Variants in DSCAML1 observed in about 807,000 individuals in gnomAD.
DSCAML1 encodes DS cell adhesion molecule like 1, also known as cell adhesion molecule DSCAML1.
In DSCAML1, 38 loss-of-function variants were observed where a neutral mutation model predicts 200.5. The observed-to-expected ratio is 0.19, with a 90% CI of 0.15 to 0.25. The LOEUF is 0.25. Among genes scored for constraint, DSCAML1 ranks in the 10% least tolerant of loss-of-function variants. DSCAML1 has a pLI of 1.00. For missense variants in DSCAML1, 2,223 were observed against 2,858.8 expected (o/e 0.78, Z 5.07); for synonymous variants, 1,215 against 1,165.0 (o/e 1.04, Z -0.87).
chr11:117,545,278 A>C (rs2050351818), intron 3 of DSCAML1, among the ~76,000 whole-genome samples: 1 of 151,868 alleles, frequency 6.6e-6, no homozygotes, highest in Non-Finnish European at 1.5e-5. Context: ...AAGGATGTGC[A>C]CACACAGAGA....
chr11:117,599,901 G>A (rs2051433820), intron 3 of DSCAML1, among the ~76,000 whole-genome samples: 1 of 152,188 alleles, frequency 6.6e-6, no homozygotes, highest in African/African-American at 2.4e-5. Flanking sequence ...CTGGGTAAAC[G>A]GTGCATTCCC....
chr11:117,703,613 C>T (rs1390580255), intron 3 of DSCAML1, among the ~76,000 whole-genome samples: 1 of 152,210 alleles, frequency 6.6e-6, no homozygotes, highest in East Asian at 1.9e-4. Context: ...CACTCCCGAC[C>T]ATCCCCAGCA....
At chr11:117,775,172 C>T (rs2055108436) in intron 3 of DSCAML1, among the ~76,000 whole-genome samples, 2 of 152,194 alleles carry the variant, frequency 1.3e-5, no homozygotes, top group African/African-American at 4.8e-5. Flanking sequence ...TCCTCACCAG[C>T]CCATGGTCCC....
At chr11:117,438,675 A>T (rs2047974514) in intron 24 of DSCAML1, among the ~76,000 whole-genome samples, 1 of 152,142 alleles carries the variant, frequency 6.6e-6, no homozygotes, top group African/African-American at 2.4e-5. Flanking sequence ...CACAGCTCAC[A>T]AGTGGCATTG....
intron 3 of DSCAML1, among the ~76,000 whole-genome samples, chr11:117,643,110 C>T (rs1022871168): frequency 1.1e-4 from 16 of 152,240 alleles, no homozygotes; most frequent in Admixed American, 9.2e-4. Context: ...CTCCTTGTTT[C>T]CATGTAGTTC....
chr11:117,564,268 A>G (rs752796), intron 3 of DSCAML1, among the ~76,000 whole-genome samples: 41,223 of 152,118 alleles, frequency 0.27, 5,951 homozygotes, highest in Admixed American at 0.34. Context: ...GATGAGTAGT[A>G]TCTGGGCCAA....
At chr11:117,548,137 C>T (rs1184806767) in intron 3 of DSCAML1, among the ~76,000 whole-genome samples, 1 of 152,232 alleles carries the variant, frequency 6.6e-6, no homozygotes, top group East Asian at 1.9e-4. Context: ...GCCGCTGTCG[C>T]CCCAGCCTTG....
At chr11:117,604,575 C>A (rs905681408) in intron 3 of DSCAML1, among the ~76,000 whole-genome samples, 3 of 152,234 alleles carry the variant, frequency 2.0e-5, no homozygotes, top group Non-Finnish European at 2.9e-5. Context: ...TGTGGCAAGG[C>A]GGCCAGCTCA....
In DSCAML1 at chr11:117,432,615, ATTTG is replaced by A. The variant is rs71822517; in HGVS notation, c.5027-115_5027-112del. The A allele has an allele frequency of 5.3e-3, 6,877 of 1,309,170 alleles. 296 individuals carry two copies. The African/African-American group carries it at 0.09, about 17-fold the overall frequency. The allele number at this position is 1,309,170 out of a possible 1,614,324, so 81.1% of individuals were successfully genotyped here. ...TATCCAATGTGTTTTTTGTTTGTGG[ATTTG>A]TTTGTTTGTTTTTTTGAGACAGGGT... On this transcript the variant is annotated intron_variant, in intron 29 of 32. Transcript: ENST00000651296.
At chr11:117,656,804 G>A (rs569804282) in intron 3 of DSCAML1, among the ~76,000 whole-genome samples, 56 of 152,260 alleles carry the variant, frequency 3.7e-4, no homozygotes, top group African/African-American at 1.3e-3. Context: ...GCCCAGGCCA[G>A]GGCCTGTGGA....
intron 3 of DSCAML1, among the ~76,000 whole-genome samples, chr11:117,713,691 G>C (rs1270797693): frequency 6.6e-6 from 1 of 152,174 alleles, no homozygotes; most frequent in Non-Finnish European, 1.5e-5. Context: ...AAAAATTTAT[G>C]ACCTCCGTCA....
intron 24 of DSCAML1, 46 bp from the exon 25 acceptor site, chr11:117,438,129 GCAGCAGAAGCCCAGCCT>G: frequency 6.5e-7 from 1 of 1,548,402 alleles, no homozygotes; most frequent in Non-Finnish European, 8.8e-7. Context: ...GCAGGGCAAG[GCAGCAGAAGCCCAGCCT>G]CAGGTACCCC....
intron 11 of DSCAML1, among the ~76,000 whole-genome samples, chr11:117,491,125 G>A (rs1485958785): frequency 1.3e-5 from 2 of 152,210 alleles, no homozygotes; most frequent in Non-Finnish European, 2.9e-5. Flanking sequence ...GAAGGAACAG[G>A]ATGAGAATGC....
intron 19 of DSCAML1, among the ~76,000 whole-genome samples, chr11:117,454,246 C>T (rs532013862): frequency 6.6e-6 from 1 of 152,162 alleles, no homozygotes; most frequent in Admixed American, 6.5e-5. Context: ...CGAGATTCCA[C>T]CTGAGACCTG....
At chr11:117,445,641 C>T (rs949312906) in intron 20 of DSCAML1, among the ~76,000 whole-genome samples, 4 of 152,162 alleles carry the variant, frequency 2.6e-5, no homozygotes, top group South Asian at 4.1e-4. Flanking sequence ...TATTCTTCTC[C>T]GGGCTTGTTT....
chr11:117,780,252 GAA>G lies in DSCAML1; in HGVS notation c.364+239_364+240del, dbSNP rs745945994. ...GAAAGGAAAGAAAGAAAGAAAGAAA[GAA>G]AGAAAGAAAGAAAGAAAGAAAGAAA... On this transcript the variant is annotated intron_variant, in intron 2 of 32. Transcript: ENST00000651296. The surrounding 1 kb of genome is among the most constrained non-coding windows in gnomAD (Gnocchi z 4.8). Among the ~76,000 whole-genome samples the G allele has an allele frequency of 1.4e-5, 1 of 70,200 alleles. No homozygotes were observed. The highest frequency in any genetic ancestry group is 5.6e-5 in the African/African-American group (1 of 17,772). The allele number at this position is 70,200 out of a possible 152,430, so 46.1% of individuals were successfully genotyped here.
chr11:117,797,338 C>A, upstream of DSCAML1: 1 of 1,204,702 alleles, frequency 8.3e-7, no homozygotes, highest in Non-Finnish European at 1.1e-6. Context: ...GAGCCCGGAG[C>A]CCAGACGGAC....
chr11:117,577,487 TTCCTTCCTTCCTTCCTTCCC>T (rs1173410415), intron 3 of DSCAML1, among the ~76,000 whole-genome samples: 2,472 of 38,976 alleles, frequency 0.063, 103 homozygotes, highest in South Asian at 0.12. Context: ...CCTTCCTTCC[TTCCTTCCTTCCTTCCTTCCC>T]TCCTTCCTTC....
intron 3 of DSCAML1, among the ~76,000 whole-genome samples, chr11:117,544,515 C>G (rs2050334860): frequency 6.6e-6 from 1 of 152,184 alleles, no homozygotes; most frequent in East Asian, 1.9e-4. Context: ...AAGGCGGACT[C>G]TGCAGGGCAC....
Sources: gnomAD v4.1 joint callset for allele counts (sites outside exome capture counted in the v4.1 genomes callset) on GRCh38, gnomAD v4.1.1 for gene constraint, Gnocchi (gnomAD v3.1) non-coding constraint, MANE v1.5 for transcripts, NCBI Gene and HGNC (gene_info 2026-07-23, HGNC 2026-07-21) for gene names.